Variants in COL14A1 observed in about 807,000 individuals in gnomAD.
COL14A1 encodes the protein collagen type XIV alpha 1 chain.
COL14A1 carries 136 observed loss-of-function variants against 230.3 expected under a neutral mutation model. The observed-to-expected ratio is 0.59, with a 90% CI of 0.51 to 0.68. COL14A1 has a LOEUF of 0.68. Ranked by LOEUF, COL14A1 falls within the 30% of genes least tolerant of loss-of-function variation. The pLI, the probability that COL14A1 is intolerant of heterozygous loss-of-function variation, is 0.00. For missense variants in COL14A1, 1,976 were observed against 2,215.8 expected, an observed-to-expected ratio of 0.89 and a Z score of 2.17; for synonymous variants, 792 against 784.1, an observed-to-expected ratio of 1.01 and a Z score of -0.17.
rs139530345 is a variant in COL14A1 at position 120,172,412 on chromosome 8, A to G, written c.436+4165A>G. The stretch of plus-strand genomic sequence containing the variant: ...GTGATCTACCTGCCTCTGTCTCCCA[A>G]AGTGCTGGGATTACAGGCATGAGCC... On this transcript the variant is annotated intron_variant, in intron 5 of 47. Coordinates refer to ENST00000297848, the MANE Select transcript of COL14A1 (RefSeq NM_021110.4). Among the ~76,000 whole-genome samples, 815 of 152,212 alleles carry G rather than the reference A, an allele frequency of 5.4e-3. 4 individuals carry two copies. Among genetic ancestry groups the G allele is most frequent in the Non-Finnish European group, 9.5e-3 (648 of 68,004 alleles).
intron 33 of COL14A1, among the ~76,000 whole-genome samples, chr8:120,288,767 C>CT (rs1266024557): frequency 6.6e-6 from 1 of 152,122 alleles, no homozygotes; most frequent in African/African-American, 2.4e-5. Flanking sequence ...TTGGCTTTTA[C>CT]TTAGGGTGAA....
chr8:120,255,973 C>T (rs1482508437), intron 23 of COL14A1, among the ~76,000 whole-genome samples: 2 of 151,994 alleles, frequency 1.3e-5, no homozygotes, highest in Admixed American at 6.6e-5. Context: ...AGAACAACAA[C>T]AAATGGCTGA....
At chr8:120,349,160 C>A (rs549133300) in intron 45 of COL14A1, among the ~76,000 whole-genome samples, 33 of 152,162 alleles carry the variant, frequency 2.2e-4, no homozygotes, top group African/African-American at 6.5e-4. Context: ...TTCCAACAGA[C>A]CTGCAGCTGA....
intron 40 of COL14A1, among the ~76,000 whole-genome samples, chr8:120,328,089 T>G (rs974368670): frequency 3.3e-5 from 5 of 152,078 alleles, no homozygotes; most frequent in Non-Finnish European, 7.4e-5. Context: ...TTTGTGTCAG[T>G]AATGTGTTAA....
chr8:120,174,679 G>C (rs943606267), intron 5 of COL14A1, among the ~76,000 whole-genome samples: 7 of 152,140 alleles, frequency 4.6e-5, no homozygotes, highest in Non-Finnish European at 1.5e-5. Flanking sequence ...TTGGGGTAGG[G>C]CAAGAACTTT....
chr8:120,354,607 C>G (rs1822913050), intron 45 of COL14A1, among the ~76,000 whole-genome samples: 1 of 152,140 alleles, frequency 6.6e-6, no homozygotes, highest in Non-Finnish European at 1.5e-5. Flanking sequence ...GATTGTCTCT[C>G]TCTTCAGTAA....
At chr8:120,293,922 A>G (rs1820447886) in intron 34 of COL14A1, among the ~76,000 whole-genome samples, 1 of 151,920 alleles carries the variant, frequency 6.6e-6, no homozygotes, top group Admixed American at 6.6e-5. Context: ...CTTAAATTCA[A>G]TAAATTGATT....
chr8:120,280,871 G>T lies in COL14A1; in HGVS notation c.3686-50G>T, dbSNP rs773262193. ...AAATATTAAAATTTAAAATTCTAAAGTGCCATATTCCTTATGTTTATTCTT... is the reference window on the plus strand; with the variant it reads ...AAATATTAAAATTTAAAATTCTAAATTGCCATATTCCTTATGTTTATTCTT... On this transcript the variant is annotated intron_variant, in intron 30 of 47. Transcript: ENST00000297848. The T allele has an allele frequency of 4.1e-6, 6 of 1,472,468 alleles. No homozygotes were observed. The African/African-American group carries it at 5.8e-5, about 14-fold the overall frequency. The allele number at this position is 1,472,468 out of a possible 1,614,324, so 91.2% of individuals were successfully genotyped here. A position where few individuals can be genotyped will look rare whatever the true frequency, so the allele number is the denominator to read the frequency against.
chr8:120,133,231 A>T lies in COL14A1; in HGVS notation c.-38+7891A>T, dbSNP rs201385209. ...ACTCCGTCTCAAACAAAAAAAAAAT[A>T]AAAAAAAAAAAAATAACTGTTCCAA... On this transcript the variant is annotated intron_variant, in intron 1 of 47. Transcript: ENST00000297848. Among the ~76,000 whole-genome samples the T allele has an allele frequency of 3.0e-4, 30 of 99,036 alleles. No homozygotes were observed. The South Asian group carries it at 5.6e-3, about 18-fold the overall frequency. The allele number at this position is 99,036 out of a possible 152,430, so 65.0% of individuals were successfully genotyped here.
chr8:120,245,296 C>T (rs1185949821), intron 20 of COL14A1, among the ~76,000 whole-genome samples: 1 of 152,142 alleles, frequency 6.6e-6, no homozygotes, highest in Non-Finnish European at 1.5e-5. Context: ...TTCTGTCTCC[C>T]ATCCCTGGAA....
chr8:120,149,687 ATTTT>A (rs11300699), intron 2 of COL14A1, among the ~76,000 whole-genome samples: 2 of 125,672 alleles, frequency 1.6e-5, no homozygotes, highest in Non-Finnish European at 1.7e-5. Context: ...CTGTTTTTTC[ATTTT>A]TTTTTTTTTT....
chr8:120,221,584 G>A (rs1021011883), intron 14 of COL14A1, among the ~76,000 whole-genome samples: 5 of 110,582 alleles, frequency 4.5e-5, no homozygotes, highest in Admixed American at 9.7e-5. Flanking sequence ...ACACACACAC[G>A]TTTCTCCTTT....
chr8:120,160,815 A>T (rs1181258580), intron 3 of COL14A1, among the ~76,000 whole-genome samples: 1 of 152,238 alleles, frequency 6.6e-6, no homozygotes, highest in Non-Finnish European at 1.5e-5. Context: ...GGATGCTAAT[A>T]GCTATTATAT....
intron 43 of COL14A1, among the ~76,000 whole-genome samples, chr8:120,341,815 C>T (rs1305033461): frequency 6.6e-6 from 1 of 152,198 alleles, no homozygotes; most frequent in Non-Finnish European, 1.5e-5. Flanking sequence ...AATCAAAGAA[C>T]TGGCCCCCAA....
chr8:120,369,633 C>A (rs1028155936), intron 47 of COL14A1, 148 bp downstream of exon 47: 3 of 796,732 alleles, frequency 3.8e-6, no homozygotes, highest in East Asian at 3.2e-5. Context: ...TAAATTATCC[C>A]GAGACATTTT....
intron 8 of COL14A1, among the ~76,000 whole-genome samples, chr8:120,202,174 A>C (rs1306407499): frequency 6.6e-6 from 1 of 152,202 alleles, no homozygotes; most frequent in Non-Finnish European, 1.5e-5. Context: ...TTATATGTTT[A>C]TTCTCCATTT....
At chr8:120,147,472 A>G (rs541325009) in intron 1 of COL14A1, among the ~76,000 whole-genome samples, 30 of 152,332 alleles carry the variant, frequency 2.0e-4, no homozygotes, top group African/African-American at 6.7e-4. Context: ...ACTGGCAAGG[A>G]CATTGGGATT....
intron 12 of COL14A1, among the ~76,000 whole-genome samples, chr8:120,212,166 C>T (rs1563675037): frequency 2.0e-5 from 3 of 152,202 alleles, no homozygotes; most frequent in African/African-American, 7.2e-5. Flanking sequence ...AGCATATACT[C>T]AACATTGTTA....
intron 31 of COL14A1, 83 bp downstream of exon 31, chr8:120,281,142 G>GTAA: frequency 8.0e-7 from 1 of 1,244,086 alleles, no homozygotes. Context: ...GAAATATGGT[G>GTAA]TAATAGTCCC....
Sources: gnomAD v4.1 joint callset for allele counts (sites outside exome capture counted in the v4.1 genomes callset) on GRCh38, gnomAD v4.1.1 for gene constraint, MANE v1.5 for transcripts, NCBI Gene and HGNC (gene_info 2026-07-23, HGNC 2026-07-21) for gene names.